Variants in ANGPTL5 observed in about 807,000 individuals in gnomAD.
ANGPTL5 encodes the protein angiopoietin like 5.
A neutral mutation model predicts 39.4 loss-of-function variants in ANGPTL5; 34 were observed. The ratio of observed to expected loss-of-function variants is 0.86; its 90% CI spans 0.66 to 1.15. The LOEUF (loss-of-function observed/expected upper bound fraction) is 1.15, where lower values mean the gene tolerates loss of function less well. ANGPTL5 is among the 50% of genes most tolerant of loss of function. The probability of loss-of-function intolerance (pLI) is 0.00; values close to 1 mark genes in which losing one functional copy is unlikely to be tolerated. For synonymous variants in ANGPTL5, 146 were observed against 152.1 expected (o/e 0.96, Z 0.29); for missense variants, 467 against 457.5 (o/e 1.02, Z -0.19).
intron 1 of ANGPTL5, chr11:101,915,122 C>A: frequency 9.2e-7 from 1 of 1,081,560 alleles, no homozygotes; most frequent in Non-Finnish European, 1.3e-6. Flanking sequence ...GGCACCAGTG[C>A]CGCTGCGCGG....
chr11:101,903,846 A>C (rs891002992), intron 5 of ANGPTL5, among the ~76,000 whole-genome samples: 1 of 152,038 alleles, frequency 6.6e-6, no homozygotes, highest in Non-Finnish European at 1.5e-5. Context: ...TGATCATAGC[A>C]AGCAAGCCCT....
chr11:101,891,293 G>C lies in ANGPTL5; in HGVS notation c.1153C>G (p.Pro385Ala). The change falls in exon 9 of 9, where the codon CCA (proline) becomes GCA (alanine). Residue 385 changes from proline (P) to alanine (A), a missense_variant. By Grantham distance (27) the Pro-to-Ala change is conservative. Coordinates refer to ENST00000334289, the MANE Select transcript of ANGPTL5 (RefSeq NM_178127.5). ...GTTAAATGAGATTATTTAAAATATG[G>C]ATTGTACATTCTTCTAATTTTCATT... ...VSMKIRRMYN[P>A]YFK 2 of 1,608,694 alleles carry C rather than the reference G, an allele frequency of 1.2e-6. No individual in the cohort carries two copies. Among genetic ancestry groups the C allele is most frequent in the Non-Finnish European group, 1.7e-6 (2 of 1,175,198 alleles).
chr11:101,891,929 T>C (rs1007948042), intron 8 of ANGPTL5, among the ~76,000 whole-genome samples: 4 of 152,214 alleles, frequency 2.6e-5, no homozygotes, highest in Non-Finnish European at 5.9e-5. Flanking sequence ...AATATGATAA[T>C]TGATAATTTA....
At position 101,915,269 on chromosome 11, in the gene ANGPTL5, G is replaced by A. The variant is rs758032724; in HGVS notation, c.-93+750C>T. On this transcript the variant is annotated intron_variant, in intron 1 of 8. Transcript: ENST00000334289. ...AGGTTCTGGGGGCGAGCAGACAGGCGGCGCTGAAGTGAAGGATGCTGGCGG... is the reference window on the plus strand; with the variant it reads ...AGGTTCTGGGGGCGAGCAGACAGGCAGCGCTGAAGTGAAGGATGCTGGCGG... 8 of 1,612,890 alleles carry A rather than the reference G, an allele frequency of 5.0e-6. No individual in the cohort carries two copies. In the Admixed American group the frequency reaches 1.3e-4, roughly 27 times the overall value.
At chr11:101,894,466 G>A (rs1355284374) in intron 8 of ANGPTL5, among the ~76,000 whole-genome samples, 4 of 152,212 alleles carry the variant, frequency 2.6e-5, no homozygotes, top group Admixed American at 1.3e-4. Flanking sequence ...CTCAGGTGAC[G>A]TGATCTGGGA....
intron 8 of ANGPTL5, 72 bp from the exon 9 acceptor site, chr11:101,891,670 T>C: frequency 7.1e-7 from 1 of 1,403,314 alleles, no homozygotes; most frequent in East Asian, 2.5e-5. Context: ...TACCAGCATA[T>C]TAGGCAAGAG....
At chr11:101,902,270 G>A (rs1939916712) in intron 6 of ANGPTL5, among the ~76,000 whole-genome samples, 1 of 152,054 alleles carries the variant, frequency 6.6e-6, no homozygotes, top group Admixed American at 6.5e-5. Context: ...AATATCCACA[G>A]GCTAATTAAA....
Position 101,904,836 on chromosome 11 carries a change from AG to A in ANGPTL5, c.416del (p.Pro139LeufsTer10). 6.2e-7 allele frequency: 1 copy of A among 1,613,586 alleles called. No homozygotes were observed. Among genetic ancestry groups the A allele is most frequent in the South Asian group, 1.1e-5 (1 of 91,082 alleles). On this transcript the variant is annotated frameshift_variant, in exon 5 of 9. Transcript: ENST00000334289. LOFTEE classifies it high-confidence loss of function. ...CACCATGTGACTGAACAGGTCTGTGAGGAAAAGGATCCAGCTGTTTTCTAAA... is the reference window on the plus strand; with the variant it reads ...CACCATGTGACTGAACAGGTCTGTGAGAAAAGGATCCAGCTGTTTTCTAAA... Reference protein sequence around the residue: ...EVFRKQLDPFPHRPVQSHGLD... With the variant: ...EVFRKQLDPFXHRPVQSHGLD...
At chr11:101,893,100 T>C (rs1423963739) in intron 8 of ANGPTL5, among the ~76,000 whole-genome samples, 1 of 152,248 alleles carries the variant, frequency 6.6e-6, no homozygotes, top group Non-Finnish European at 1.5e-5. Flanking sequence ...AGAAGGATCA[T>C]ATAGCACATA....
chr11:101,892,620 C>A (rs550941488), intron 8 of ANGPTL5, among the ~76,000 whole-genome samples: 23 of 152,170 alleles, frequency 1.5e-4, no homozygotes, highest in Non-Finnish European at 2.5e-4. Flanking sequence ...AACTCAGTGG[C>A]AGGAGCAGGA....
At chr11:101,892,345 C>G (rs184199935) in intron 8 of ANGPTL5, among the ~76,000 whole-genome samples, 6 of 152,254 alleles carry the variant, frequency 3.9e-5, no homozygotes, top group Admixed American at 3.9e-4. Flanking sequence ...ATTCTCCTGC[C>G]TCAGCCTCCC....
At chr11:101,896,640 A>C (rs1939802111) in intron 7 of ANGPTL5, among the ~76,000 whole-genome samples, 1 of 152,088 alleles carries the variant, frequency 6.6e-6, no homozygotes, top group African/African-American at 2.4e-5. Context: ...GTTTGCTGAG[A>C]ATGACGGTTT....
intron 1 of ANGPTL5, chr11:101,915,387 G>A (rs1305140668): frequency 1.2e-6 from 2 of 1,613,494 alleles, no homozygotes; most frequent in South Asian, 1.1e-5. Context: ...GGAGAGCGGC[G>A]GGCATCACCG....
At position 101,900,437 on chromosome 11, in the gene ANGPTL5, A is replaced by T; in HGVS notation, c.654T>A (p.Asp218Glu). 2 of 1,613,200 alleles carry T rather than the reference A, an allele frequency of 1.2e-6. No individual in the cohort carries two copies. Among genetic ancestry groups the T allele is most frequent in the Non-Finnish European group, 1.7e-6 (2 of 1,179,670 alleles). ...AAATACAAAAAAATTAACCTAGAAG[A>T]TCTCCAAATCCATCCAGATAATCAC... ...LWCDYLDGFG[D>E]LLGEFWLGLK... Residue 218 changes from aspartate to glutamate, a missense_variant, in exon 7 of 9, where the codon GAT becomes GAA. Asp to Glu is a conservative substitution (Grantham distance 45). Transcript: ENST00000334289.
In ANGPTL5 at chr11:101,902,703, A is replaced by G. The variant is rs1939926245; in HGVS notation, c.458T>C (p.Ile153Thr). The G allele has an allele frequency of 1.2e-6, 2 of 1,610,334 alleles. No individual in the cohort carries two copies. The highest frequency in any genetic ancestry group is 3.3e-5 in the Admixed American group (2 of 59,960). The change falls in exon 6 of 9, where the codon ATT becomes ACT. Residue 153 changes from isoleucine (I) to threonine (T), a missense_variant. Transcript: ENST00000334289. ...VQSHGLDCTD[I>T]KDTIGSVTKT... The stretch of plus-strand genomic sequence containing the variant: ...GGTGACAGAGCCAATGGTATCCTTA[A>G]TATCAGTGCAATCTAAACCTAGAAA...
chr11:101,905,506 A>G (rs1438684603), intron 4 of ANGPTL5, among the ~76,000 whole-genome samples: 2 of 152,162 alleles, frequency 1.3e-5, no homozygotes, highest in African/African-American at 2.4e-5. Context: ...CTTTTGTGCC[A>G]TTCTAGCAAC....
chr11:101,907,104 A>G lies in ANGPTL5; in HGVS notation c.240T>C (p.Cys80=). ...KITREEKHFM[C]RNLQNSIVSY... ...ATTTTGTTTATTTTTAATACTTACT[A>G]CACATGAAATGTTTTTCTTCTCGTG... Residue 80 remains cysteine (C), a splice_region_variant and synonymous_variant, in exon 3 of 9, where the codon TGT becomes TGC. Transcript: ENST00000334289. The G allele has an allele frequency of 1.9e-6, 3 of 1,565,394 alleles. No individual in the cohort carries two copies. The highest frequency in any genetic ancestry group is 1.8e-6 in the Non-Finnish European group (2 of 1,141,152).
intron 1 of ANGPTL5, among the ~76,000 whole-genome samples, chr11:101,912,990 CT>C (rs1465345497): frequency 6.6e-6 from 1 of 152,248 alleles, no homozygotes; most frequent in Non-Finnish European, 1.5e-5. Flanking sequence ...CTATGTTTAA[CT>C]TCCACAAGTT....
rs10562844 is a variant in ANGPTL5, at chr11:101,910,426, T to A, written c.-92-2425A>T. ...ACTCCGTCTCAAAAAAAAAAAAAAATATATATATATATATATATATTCAAA... is the reference window on the plus strand; with the variant it reads ...ACTCCGTCTCAAAAAAAAAAAAAAAAATATATATATATATATATATTCAAA... On this transcript the variant is annotated intron_variant, in intron 1 of 8. Coordinates refer to ENST00000334289, the MANE Select transcript of ANGPTL5 (RefSeq NM_178127.5). Among the ~76,000 whole-genome samples, 919 of 100,428 alleles carry A rather than the reference T, an allele frequency of 9.2e-3. 4 individuals are homozygous for A. Among genetic ancestry groups the A allele is most frequent in the Middle Eastern group, 0.018 (4 of 218 alleles). The allele number at this position is 100,428 out of a possible 152,430, so 65.9% of individuals were successfully genotyped here. A position where few individuals can be genotyped will look rare whatever the true frequency, so the allele number is the denominator to read the frequency against.
Sources: gnomAD v4.1 joint callset for allele counts (sites outside exome capture counted in the v4.1 genomes callset) on GRCh38, gnomAD v4.1.1 for gene constraint, MANE v1.5 for transcripts, NCBI Gene and HGNC (gene_info 2026-07-23, HGNC 2026-07-21) for gene names.